FTSJ3: variants seen among roughly 807,000 people sequenced by gnomAD.
FTSJ3 encodes the protein pre-rRNA 2'-O-ribose RNA methyltransferase FTSJ3.
A neutral mutation model predicts 111.5 loss-of-function variants in FTSJ3; 46 were observed. The observed-to-expected ratio is 0.41, with a 90% CI of 0.33 to 0.53. The LOEUF is 0.53. Ranked by LOEUF, FTSJ3 falls within the 20% of genes least tolerant of loss-of-function variation. The pLI is 0.19. For missense variants in FTSJ3, 1,075 were observed against 1,063.8 expected, an observed-to-expected ratio of 1.01 and a Z score of -0.15; for synonymous variants, 408 against 383.0, an observed-to-expected ratio of 1.07 and a Z score of -0.76.
At chr17:63,826,538 A>C (rs1390119050) in intron 3 of FTSJ3, 29 bp downstream of exon 3, 6 of 1,570,538 alleles carry the variant, frequency 3.8e-6, no homozygotes, top group Non-Finnish European at 4.4e-6. Context: ...AGCGGCCACC[A>C]GGAGCAACCT....
rs1486796547 is a variant in FTSJ3 at position 63,821,491 on chromosome 17, CATT to C, written c.1746_1748del (p.Ile582del). 8.1e-6 allele frequency: 13 copies of C among 1,614,062 alleles called. No individual in the cohort carries two copies. Among genetic ancestry groups the C allele is most frequent in the African/African-American group, 1.3e-5 (1 of 74,924 alleles). On this transcript the variant is annotated inframe_deletion, in exon 16 of 21. Coordinates refer to ENST00000427159, the MANE Select transcript of FTSJ3 (RefSeq NM_017647.4). The stretch of plus-strand genomic sequence containing the variant: ...GGGCTTCATCTTGGTACAGGGGAGA[CATT>C]ATCTCAGTCTTCAAACAGGAAGGGG...
At chr17:63,820,609 T>C (rs2040040120) in intron 18 of FTSJ3, among the ~76,000 whole-genome samples, 171 bp from the exon 19 acceptor site, 2 of 151,944 alleles carry the variant, frequency 1.3e-5, no homozygotes, top group South Asian at 4.2e-4. Context: ...TGAAACCCCA[T>C]CTCTACTAAA....
At chr17:63,824,483 C>G in intron 10 of FTSJ3, 72 bp from the exon 11 acceptor site, 3 of 1,548,392 alleles carry the variant, frequency 1.9e-6, no homozygotes, top group Non-Finnish European at 2.7e-6. Flanking sequence ...TTTAGGCTCA[C>G]TACCCACCTT....
rs2040028558 is a variant in FTSJ3, at chr17:63,819,777, T to TCTC, written c.*22_*24dup. The TCTC allele has an allele frequency of 1.9e-6, 3 of 1,594,482 alleles. No individual in the cohort carries two copies. The highest frequency in any genetic ancestry group is 1.7e-5 in the Admixed American group (1 of 58,192). The stretch of plus-strand genomic sequence containing the variant: ...ACACCCTTCCTCCTAGTCCCCATGC[T>TCTC]CTCCTGGGAGCCTGGCAGCTCTGCT... On this transcript the variant is annotated 3_prime_UTR_variant, in exon 21 of 21. Coordinates refer to ENST00000427159, the MANE Select transcript of FTSJ3 (RefSeq NM_017647.4).
chr17:63,827,173 C>T lies in FTSJ3; in HGVS notation c.-148G>A. 1.7e-6 allele frequency: 1 copy of T among 605,696 alleles called. No homozygotes were observed. Among genetic ancestry groups the T allele is most frequent in the Non-Finnish European group, 2.9e-6 (1 of 342,046 alleles). The allele number at this position is 605,696 out of a possible 1,614,324, so 37.5% of individuals were successfully genotyped here. A position where few individuals can be genotyped will look rare whatever the true frequency, so the allele number is the denominator to read the frequency against. On this transcript the variant is annotated 5_prime_UTR_variant, in exon 1 of 21. Coordinates refer to ENST00000427159, the MANE Select transcript of FTSJ3 (RefSeq NM_017647.4). ...GTTTTCCGCCATTTTGAGTGTGGCC[C>T]TAGATTGTTCTCAATACTCTGTCCT...
chr17:63,820,202 T>TGCCCCTGCC, intron 19 of FTSJ3, 29 bp from the exon 20 acceptor site: 1 of 1,593,212 alleles, frequency 6.3e-7, no homozygotes, highest in Non-Finnish European at 8.6e-7. Context: ...GGTGACCTCT[T>TGCCCCTGCC]CCCCATCCCC....
Position 63,825,043 on chromosome 17 carries a change from C to G in FTSJ3, c.711+5G>C, listed in dbSNP as rs2040085007. 2 of 1,612,954 alleles carry G rather than the reference C, an allele frequency of 1.2e-6. No individual in the cohort carries two copies. Among genetic ancestry groups the G allele is most frequent in the African/African-American group, 2.7e-5 (2 of 74,906 alleles). ...CCAAGAGTGACCCCATTCCCCAAAACACACCTTTGGCTTCTTCTTAGTAAC... is the reference window on the plus strand; with the variant it reads ...CCAAGAGTGACCCCATTCCCCAAAAGACACCTTTGGCTTCTTCTTAGTAAC... On this transcript the variant is annotated splice_donor_5th_base_variant and intron_variant, in intron 8 of 20. Coordinates refer to ENST00000427159, the MANE Select transcript of FTSJ3 (RefSeq NM_017647.4).
intron 13 of FTSJ3, 160 bp downstream of exon 13, chr17:63,823,657 T>C: frequency 1.4e-6 from 1 of 723,088 alleles, no homozygotes; most frequent in Non-Finnish European, 2.3e-6. Flanking sequence ...TTTTGGTTTA[T>C]GTTTCTTTGT....
Position 63,827,140 on chromosome 17 carries a change from G to T in FTSJ3, c.-115C>A, listed in dbSNP as rs1036458149. On this transcript the variant is annotated 5_prime_UTR_variant, in exon 1 of 21. Coordinates refer to ENST00000427159, the MANE Select transcript of FTSJ3 (RefSeq NM_017647.4). ...TTCCGCTTGCGTCCCCTGCGTCCCT[G>T]GCTCGAGGTTTTCCGCCATTTTGAG... The T allele has an allele frequency of 1.6e-6, 1 of 607,072 alleles. No homozygotes were observed. Among genetic ancestry groups the T allele is most frequent in the Non-Finnish European group, 2.9e-6 (1 of 343,090 alleles). The allele number at this position is 607,072 out of a possible 1,614,324, so 37.6% of individuals were successfully genotyped here.
At chr17:63,826,352 C>G in intron 3 of FTSJ3, 48 bp from the exon 4 acceptor site, 2 of 1,558,266 alleles carry the variant, frequency 1.3e-6, no homozygotes, top group Non-Finnish European at 1.8e-6. Context: ...CCTTTTCCCC[C>G]TCTTGGCAAC....
At chr17:63,823,594 C>CA (rs56412606) in intron 13 of FTSJ3, 6,564 of 390,172 alleles carry the variant, frequency 0.017, no homozygotes, top group Middle Eastern at 0.023. Flanking sequence ...GACTCCGTCT[C>CA]AAAAAAAAAA....
At chr17:63,823,263 T>C (rs1438299255) in intron 13 of FTSJ3, among the ~76,000 whole-genome samples, 1 of 152,212 alleles carries the variant, frequency 6.6e-6, no homozygotes, top group Non-Finnish European at 1.5e-5. Flanking sequence ...CAGCATCTAC[T>C]ATAACCTAAG....
intron 14 of FTSJ3, 57 bp from the exon 15 acceptor site, chr17:63,821,900 C>T: frequency 6.2e-7 from 1 of 1,613,592 alleles, no homozygotes; most frequent in South Asian, 1.1e-5. Flanking sequence ...GGAGCCCTTG[C>T]TGCCCTACTC....
chr17:63,820,104 G>A lies in FTSJ3; in HGVS notation c.2326C>T (p.Arg776Ter), dbSNP rs753437920. Reference sequence around the variant, plus strand: ...CTTCGCAGCTGTGCCACTTTCTCTCGTTCTGAGATGTCCACTGTGTTCACC... The same window carrying A: ...CTTCGCAGCTGTGCCACTTTCTCTCATTCTGAGATGTCCACTGTGTTCACC... ...AVVNTVDISE[R>*]EKVAQLRSLY... The change falls in exon 20 of 21, where the codon CGA becomes TGA. Residue 776 changes from arginine (R) to a stop codon, truncating the protein, a stop_gained. Transcript: ENST00000427159. LOFTEE classifies it high-confidence loss of function. The A allele has an allele frequency of 5.0e-6, 8 of 1,613,894 alleles. No homozygotes were observed. Among genetic ancestry groups the A allele is most frequent in the Admixed American group, 1.7e-5 (1 of 59,986 alleles).
intron 18 of FTSJ3, 33 bp from the exon 19 acceptor site, chr17:63,820,471 C>T: frequency 1.9e-6 from 3 of 1,603,020 alleles, no homozygotes; most frequent in Non-Finnish European, 2.6e-6. Flanking sequence ...TAATATCCAA[C>T]ATTCCAGGCT....
rs1158139818 is a variant in FTSJ3, at chr17:63,824,942, AAG to A, written c.712-15_712-14del. On this transcript the variant is annotated splice_polypyrimidine_tract_variant and intron_variant, in intron 8 of 20. Transcript: ENST00000427159. ...CATAGCCTTCAGCCTTAGGAAGGAA[AAG>A]AGAGAAGCTTGGTCAGGCCCTTCTA... 5 of 1,577,008 alleles carry A rather than the reference AAG, an allele frequency of 3.2e-6. No individual in the cohort carries two copies. The highest frequency in any genetic ancestry group is 2.2e-5 in the East Asian group (1 of 44,548).
chr17:63,821,756 C>T lies in FTSJ3; in HGVS notation c.1563G>A (p.Leu521=). 6.2e-7 allele frequency: 1 copy of T among 1,614,216 alleles called. No individual in the cohort carries two copies. The highest frequency in any genetic ancestry group is 1.1e-5 in the South Asian group (1 of 91,084). The change falls in exon 15 of 21, where the codon CTG becomes CTA. Residue 521 remains leucine (L), a synonymous_variant. Coordinates refer to ENST00000427159, the MANE Select transcript of FTSJ3 (RefSeq NM_017647.4). ...ACCACAGGTTGGCTTGTTCTTCCTG[C>T]AGTACTGCCTTTTCCTCCAGTGGTA... ...LLVPLEEKAV[L]QEEQANLWFS...
chr17:63,824,977 T>G (rs1193929438), intron 8 of FTSJ3, 48 bp from the exon 9 acceptor site: 1 of 1,582,596 alleles, frequency 6.3e-7, no homozygotes, highest in Non-Finnish European at 8.7e-7. Flanking sequence ...CTAAGGTACC[T>G]GTAGGACCCA....
At chr17:63,821,150 ACT>A (rs2040047087) in intron 16 of FTSJ3, 35 bp from the exon 17 acceptor site, 1 of 1,598,118 alleles carries the variant, frequency 6.3e-7, no homozygotes, top group East Asian at 2.2e-5. Flanking sequence ...TGATTCCACC[ACT>A]CTGTACTACT....
Sources: gnomAD v4.1 joint callset for allele counts (sites outside exome capture counted in the v4.1 genomes callset) on GRCh38, gnomAD v4.1.1 for gene constraint, MANE v1.5 for transcripts, NCBI Gene and HGNC (gene_info 2026-07-23, HGNC 2026-07-21) for gene names.